The following DNAH5 variants were observed in gnomAD, a reference collection of about 807,000 sequenced individuals.
The protein encoded by DNAH5 is axonemal beta dynein heavy chain 5.
Under a neutral mutation model 518.2 loss-of-function variants are expected in DNAH5, and 372 were observed. The observed-to-expected ratio is 0.72, with a 90% CI of 0.66 to 0.78. The LOEUF (loss-of-function observed/expected upper bound fraction) is 0.78. Ranked by LOEUF, DNAH5 falls within the 30% of genes least tolerant of loss-of-function variation. The probability of loss-of-function intolerance (pLI) is 0.00; values close to 1 mark genes in which losing one functional copy is unlikely to be tolerated. For synonymous variants in DNAH5, 2,039 were observed against 2,025.9 expected (o/e 1.01, Z -0.17); for missense variants, 5,523 against 5,687.0 (o/e 0.97, Z 0.93).
At chr5:13,867,276 T>C (rs912274745) in intron 25 of DNAH5, among the ~76,000 whole-genome samples, 1 of 152,152 alleles carries the variant, frequency 6.6e-6, no homozygotes, top group Non-Finnish European at 1.5e-5. Flanking sequence ...ATAATCTCCA[T>C]AATCCCCACG....
intron 51 of DNAH5, 51 bp from the exon 52 acceptor site, chr5:13,786,402 A>C: frequency 2.0e-6 from 3 of 1,535,268 alleles, no homozygotes; most frequent in Non-Finnish European, 2.7e-6. Flanking sequence ...CCTGCATTTT[A>C]CTTCAATCTA....
rs1773722921 is a variant in DNAH5, at chr5:13,894,948, G to A, written c.2260-127C>T. ...ACTGTAGGGCTCTAATAGCCTGGCA[G>A]GTAGAGTAGCCAAAACAATAAAAAG... On this transcript the variant is annotated intron_variant, in intron 15 of 78. Coordinates refer to ENST00000265104, the MANE Select transcript of DNAH5 (RefSeq NM_001369.3). 5 of 873,714 alleles carry A rather than the reference G, an allele frequency of 5.7e-6. No individual in the cohort carries two copies. The South Asian group carries it at 5.7e-5, about 10-fold the overall frequency. 54.1% of individuals were successfully genotyped at this position (873,714 alleles called of 1,614,324 possible).
Position 13,917,242 on chromosome 5 carries a change from C to T in DNAH5, c.990G>A (p.Met330Ile), listed in dbSNP as rs760248770. ...KSKLLKTWRE[M>I]DIRITDATNE... is the part of the protein sequence containing the mutation. ...TAGTTGCATCAGTGATTCGAATATC[C>T]ATCTCCCGCCAAGTCTAAGCACAAT... The change falls in exon 8 of 79, where the codon ATG (methionine) becomes ATA (isoleucine). Residue 330 changes from methionine (M) to isoleucine (I), a missense_variant. By Grantham distance (10) the Met-to-Ile change is conservative (BLOSUM62 1). Coordinates refer to ENST00000265104, the MANE Select transcript of DNAH5 (RefSeq NM_001369.3). The T allele has an allele frequency of 6.2e-7, 1 of 1,613,616 alleles. No individual in the cohort carries two copies. Among genetic ancestry groups the T allele is most frequent in the Non-Finnish European group, 8.5e-7 (1 of 1,179,774 alleles).
chr5:13,865,306 C>G (rs1003591695), intron 27 of DNAH5, among the ~76,000 whole-genome samples: 5 of 152,114 alleles, frequency 3.3e-5, no homozygotes, highest in African/African-American at 1.2e-4. Flanking sequence ...TCTCCATTTT[C>G]TTTAAATTCA....
intron 31 of DNAH5, among the ~76,000 whole-genome samples, chr5:13,849,669 G>A (rs1490810155): frequency 6.6e-6 from 1 of 152,054 alleles, no homozygotes. Flanking sequence ...TTTGTCCTTT[G>A]ACCTTAACTT....
chr5:13,696,061 G>A (rs1450452150), intron 78 of DNAH5, among the ~76,000 whole-genome samples: 2 of 152,118 alleles, frequency 1.3e-5, no homozygotes, highest in Middle Eastern at 3.2e-3. Context: ...CCCACCCCAG[G>A]CCCAAATCTG....
Position 13,700,827 on chromosome 5 carries a change from C to T in DNAH5, c.13536G>A (p.Val4512=). 6.2e-7 allele frequency: 1 copy of T among 1,614,110 alleles called. No homozygotes were observed. The highest frequency in any genetic ancestry group is 8.5e-7 in the Non-Finnish European group (1 of 1,180,014). Residue 4512 remains valine, a synonymous_variant, in exon 78 of 79, where the codon GTG becomes GTA. Coordinates refer to ENST00000265104, the MANE Select transcript of DNAH5 (RefSeq NM_001369.3). ...TCCATTTGGTGACTTCATTGCAAAG[C>T]ACCATATTGTCCAGAGCCCAGCCTT... ...ANKGWALDNM[V]LCNEVTKWMK...
At chr5:13,904,166 T>G (rs922970602) in intron 12 of DNAH5, among the ~76,000 whole-genome samples, 4 of 151,348 alleles carry the variant, frequency 2.6e-5, no homozygotes, top group Admixed American at 2.0e-4. Flanking sequence ...TAACAAAATT[T>G]AATCAACAAA....
Position 13,916,417 on chromosome 5 carries a change from T to C in DNAH5, c.1128A>G (p.Ala376=). 6.4e-7 allele frequency: 1 copy of C among 1,558,176 alleles called. No homozygotes were observed. The highest frequency in any genetic ancestry group is 8.8e-7 in the Non-Finnish European group (1 of 1,131,278). The part of the protein sequence containing the change: ...MMDAIPTLIN[A]IKMIYSISHY... ...GAGAGATACTATAGATCATTTTAAT[T>C]GCATTTATAAGTGTAGGAATAGCAT... The change falls in exon 9 of 79, where the codon GCA becomes GCG. Residue 376 remains alanine, a synonymous_variant. Transcript: ENST00000265104.
rs372556312 is a variant in DNAH5, at chr5:13,691,688, C to T, written c.*296G>A. ...CTGTCTGCTTACCCTAGTCAGTCTT[C>T]GGAGCGAAGTAAGAAGAAAATATAC... On this transcript the variant is annotated 3_prime_UTR_variant, in exon 79 of 79. Coordinates refer to ENST00000265104, the MANE Select transcript of DNAH5 (RefSeq NM_001369.3). 9.9e-5 allele frequency: 37 copies of T among 373,210 alleles called. No individual in the cohort carries two copies. The highest frequency in any genetic ancestry group is 6.2e-4 in the Admixed American group (15 of 24,320). The allele number at this position is 373,210 out of a possible 1,614,324, so 23.1% of individuals were successfully genotyped here.
Position 13,880,877 on chromosome 5 carries a change from T to C in DNAH5, c.3262+1851A>G, listed in dbSNP as rs151153790. ...TATTAAATACTCCAATCAAAAGGCA[T>C]AGAGTGGCCAAATGAACTAAAAGAC... On this transcript the variant is annotated intron_variant, in intron 21 of 78. Transcript: ENST00000265104. Among the ~76,000 whole-genome samples, 576 of 151,906 alleles carry C rather than the reference T, an allele frequency of 3.8e-3. 6 individuals carry two copies. The highest frequency in any genetic ancestry group is 0.013 in the African/African-American group (542 of 41,466).
chr5:13,868,619 C>A (rs1048425127), intron 24 of DNAH5, among the ~76,000 whole-genome samples: 2 of 152,176 alleles, frequency 1.3e-5, no homozygotes, highest in African/African-American at 2.4e-5. Flanking sequence ...TTACTCCTCC[C>A]CATAGAGGTG....
intron 35 of DNAH5, among the ~76,000 whole-genome samples, chr5:13,837,560 CA>C (rs35339556): frequency 0.41 from 58,684 of 144,610 alleles, 11,665 homozygotes; most frequent in East Asian, 0.6. Context: ...TCTATCTTCT[CA>C]AAAAAAAAAA....
At chr5:13,825,463 T>A (rs1056374031) in intron 38 of DNAH5, among the ~76,000 whole-genome samples, 2 of 152,188 alleles carry the variant, frequency 1.3e-5, no homozygotes, top group Non-Finnish European at 2.9e-5. Flanking sequence ...GCAACCCAAA[T>A]GTCCATTGAC....
chr5:14,009,377 G>C (rs546123655), intron 1 of DNAH5, among the ~76,000 whole-genome samples: 1 of 152,304 alleles, frequency 6.6e-6, no homozygotes, highest in South Asian at 2.1e-4. Context: ...CCAGGCACCT[G>C]GGGAAAACAA....
chr5:13,996,608 T>C (rs779080500), intron 1 of DNAH5, among the ~76,000 whole-genome samples: 1 of 152,154 alleles, frequency 6.6e-6, no homozygotes, highest in Non-Finnish European at 1.5e-5. Flanking sequence ...CCTGACCAAG[T>C]CCAAAGTTCA....
At chr5:13,818,222 G>C (rs1020594962) in intron 41 of DNAH5, among the ~76,000 whole-genome samples, 3 of 152,220 alleles carry the variant, frequency 2.0e-5, no homozygotes, top group Non-Finnish European at 2.9e-5. Context: ...ACCCTAAGCC[G>C]ACTCTTCAGT....
At chr5:13,768,499 C>A (rs552231359) in intron 58 of DNAH5, among the ~76,000 whole-genome samples, 2 of 152,164 alleles carry the variant, frequency 1.3e-5, no homozygotes, top group African/African-American at 4.8e-5. Context: ...TGTTTAATTG[C>A]GTTGGAAGCC....
chr5:13,730,497 C>T (rs185439199), intron 68 of DNAH5, among the ~76,000 whole-genome samples: 3 of 151,982 alleles, frequency 2.0e-5, no homozygotes, highest in East Asian at 1.9e-4. Flanking sequence ...TGCAGTGGCA[C>T]GATCTCGGTT....
Sources: gnomAD v4.1 joint callset for allele counts (sites outside exome capture counted in the v4.1 genomes callset) on GRCh38, gnomAD v4.1.1 for gene constraint, MANE v1.5 for transcripts, NCBI Gene and HGNC (gene_info 2026-07-23, HGNC 2026-07-21) for gene names.